The following STX18 variants were observed in gnomAD, a reference collection of about 807,000 sequenced individuals.
STX18 encodes the protein syntaxin-18.
In STX18, 40 loss-of-function variants were observed where a neutral mutation model predicts 50.1. The ratio of observed to expected loss-of-function variants is 0.80; its 90% confidence interval spans 0.62 to 1.04. The LOEUF (loss-of-function observed/expected upper bound fraction) is 1.04. STX18 is among the 50% of genes least tolerant of loss of function. The pLI is 0.00. For synonymous variants in STX18, 158 were observed against 151.8 expected (o/e 1.04, Z -0.30); for missense variants, 410 against 415.8 (o/e 0.99, Z 0.12).
chr4:4,534,426 C>G (rs1731241415), intron 1 of STX18, among the ~76,000 whole-genome samples: 1 of 152,222 alleles, frequency 6.6e-6, no homozygotes, highest in Admixed American at 6.5e-5. Context: ...CCTCCTCTTT[C>G]TATTTCCACT....
At chr4:4,471,243 TG>T in intron 2 of STX18, among the ~76,000 whole-genome samples, 1 of 152,276 alleles carries the variant, frequency 6.6e-6, no homozygotes, top group South Asian at 2.1e-4. Flanking sequence ...CCAGCAAAAC[TG>T]GTGTCACAGA....
chr4:4,514,204 C>T lies in STX18; in HGVS notation c.168+27593G>A, dbSNP rs115930957. ...CAAGAATCATGAAGAAAAGGATACA[C>T]GTAGATATATGAATCAGAAAAATGC... On this transcript the variant is annotated intron_variant, in intron 1 of 10. Transcript: ENST00000306200. Among the ~76,000 whole-genome samples the T allele has an allele frequency of 3.3e-3, 506 of 152,250 alleles. 4 individuals are homozygous for T. The highest frequency in any genetic ancestry group is 0.011 in the African/African-American group (463 of 41,558).
intron 1 of STX18, among the ~76,000 whole-genome samples, chr4:4,482,086 C>T (rs1308802908): frequency 2.0e-5 from 3 of 152,156 alleles, no homozygotes; most frequent in East Asian, 1.9e-4. Flanking sequence ...GGTTCCAGAA[C>T]ACCACTGTCT....
At chr4:4,442,596 G>A (rs1380487770) in intron 5 of STX18, among the ~76,000 whole-genome samples, 2 of 152,174 alleles carry the variant, frequency 1.3e-5, no homozygotes, top group Non-Finnish European at 1.5e-5. Context: ...CAGCCTGGGC[G>A]AAAGAACGAG....
intron 5 of STX18, among the ~76,000 whole-genome samples, chr4:4,439,275 AACACAC>A (rs141132355): frequency 0.047 from 6,541 of 139,458 alleles, 261 homozygotes; most frequent in African/African-American, 0.12. Context: ...CACCCACATA[AACACAC>A]ACACATATAT....
chr4:4,452,858 A>G (rs1181656755), intron 5 of STX18, among the ~76,000 whole-genome samples: 1 of 152,226 alleles, frequency 6.6e-6, no homozygotes, highest in African/African-American at 2.4e-5. Flanking sequence ...CAAAATATCA[A>G]CTTTAACAGG....
At chr4:4,433,097 G>C (rs1003751098) in intron 7 of STX18, among the ~76,000 whole-genome samples, 1 of 152,214 alleles carries the variant, frequency 6.6e-6, no homozygotes, top group South Asian at 2.1e-4. Context: ...TGCTCTACTG[G>C]TTCTGTGACG....
intron 1 of STX18, among the ~76,000 whole-genome samples, chr4:4,483,193 T>C (rs762346000): frequency 6.6e-6 from 1 of 152,162 alleles, no homozygotes; most frequent in Non-Finnish European, 1.5e-5. Context: ...TCTAACAACC[T>C]GGAACGTATA....
At chr4:4,503,380 T>C (rs1729549301) in intron 1 of STX18, among the ~76,000 whole-genome samples, 1 of 152,186 alleles carries the variant, frequency 6.6e-6, no homozygotes, top group Admixed American at 6.5e-5. Flanking sequence ...TCTGATAAAA[T>C]AGTGTATTTT....
chr4:4,512,442 C>T (rs1021108346), intron 1 of STX18, among the ~76,000 whole-genome samples: 2 of 152,160 alleles, frequency 1.3e-5, no homozygotes, highest in African/African-American at 4.8e-5. Flanking sequence ...AACACAGCAG[C>T]TTGTACTGAA....
chr4:4,532,946 CTT>C (rs1731168769), intron 1 of STX18, among the ~76,000 whole-genome samples: 1 of 152,200 alleles, frequency 6.6e-6, no homozygotes, highest in East Asian at 1.9e-4. Flanking sequence ...GTGTCTCTCT[CTT>C]GGTTAAATAC....
chr4:4,425,181 G>T lies in STX18; in HGVS notation c.744C>A (p.Ser248Arg). The change falls in exon 8 of 11, where the codon AGC becomes AGA. Residue 248 changes from serine to arginine, a missense_variant. Ser to Arg is a moderately radical substitution (Grantham distance 110). Coordinates refer to ENST00000306200, the MANE Select transcript of STX18 (RefSeq NM_016930.4). ...ENQRLIGEMN[S>R]LFDEVRQIEG... ...AAACATACCTCACTTCATCAAACAA[G>T]CTGTTCATTTCACCAATTAGTCGCT... The T allele has an allele frequency of 6.2e-7, 1 of 1,614,118 alleles. No individual in the cohort carries two copies. Among genetic ancestry groups the T allele is most frequent in the South Asian group, 1.1e-5 (1 of 91,078 alleles).
intron 5 of STX18, among the ~76,000 whole-genome samples, chr4:4,451,874 G>A (rs1016318676): frequency 2.0e-5 from 3 of 152,210 alleles, no homozygotes; most frequent in Admixed American, 2.0e-4. Flanking sequence ...CTCACTTGAA[G>A]TCAAAAGCTA....
chr4:4,445,475 A>G (rs1044198695), intron 5 of STX18, among the ~76,000 whole-genome samples: 3 of 152,172 alleles, frequency 2.0e-5, no homozygotes, highest in African/African-American at 7.2e-5. Context: ...CTAGAACTAC[A>G]TGTGAATTAA....
chr4:4,530,938 T>C (rs1731062990), intron 1 of STX18, among the ~76,000 whole-genome samples: 1 of 152,182 alleles, frequency 6.6e-6, no homozygotes, highest in African/African-American at 2.4e-5. Flanking sequence ...ACTTCCCACT[T>C]CTACAAAGTA....
chr4:4,429,561 C>T (rs1725421589), intron 7 of STX18, among the ~76,000 whole-genome samples: 1 of 152,184 alleles, frequency 6.6e-6, no homozygotes, highest in Admixed American at 6.5e-5. Context: ...GAGTCCCCTG[C>T]CCAGCCCTTT....
At chr4:4,490,194 A>C (rs1728880681) in intron 1 of STX18, among the ~76,000 whole-genome samples, 1 of 152,232 alleles carries the variant, frequency 6.6e-6, no homozygotes, top group African/African-American at 2.4e-5. Flanking sequence ...AAACTTGACA[A>C]TGTTCAAGAA....
chr4:4,517,149 G>A (rs2108900846), intron 1 of STX18, among the ~76,000 whole-genome samples: 1 of 152,266 alleles, frequency 6.6e-6, no homozygotes, highest in Middle Eastern at 3.4e-3. Flanking sequence ...AGAATTCCCA[G>A]GGCTGTTCTG....
intron 1 of STX18, among the ~76,000 whole-genome samples, chr4:4,502,324 A>C (rs1289677407): frequency 6.6e-6 from 1 of 152,200 alleles, no homozygotes; most frequent in Admixed American, 6.5e-5. Context: ...AAATTACCTA[A>C]AACAATGTAA....
Sources: allele counts gnomAD v4.1 joint callset (sites outside exome capture counted in the v4.1 genomes callset), GRCh38; gene constraint gnomAD v4.1.1; transcripts MANE v1.5; gene names NCBI Gene and HGNC (gene_info 2026-07-23, HGNC 2026-07-21).